The following MCTP1 variants were observed in gnomAD, a reference collection of about 807,000 sequenced individuals.
The protein encoded by MCTP1 is multiple C2 and transmembrane domain-containing protein 1.
In MCTP1, 69 loss-of-function variants were observed where a neutral mutation model predicts 120.6. The observed-to-expected ratio is 0.57, with a 90% CI of 0.47 to 0.70. The LOEUF (loss-of-function observed/expected upper bound fraction) is 0.70, where lower values mean the gene tolerates loss of function less well. MCTP1 is among the 30% of genes least tolerant of loss of function. MCTP1 has a pLI of 0.00. For missense variants in MCTP1, 1,203 were observed against 1,248.8 expected (o/e 0.96, Z 0.55); for synonymous variants, 529 against 493.1 (o/e 1.07, Z -0.96).
intron 1 of MCTP1, among the ~76,000 whole-genome samples, chr5:95,021,423 A>G (rs1279400688): frequency 6.6e-6 from 1 of 152,076 alleles, no homozygotes; most frequent in East Asian, 1.9e-4. Context: ...ATAATTTATA[A>G]TTTCATGATA....
At chr5:95,282,521 C>A (rs1283488478) in intron 1 of MCTP1, among the ~76,000 whole-genome samples, 2 of 152,130 alleles carry the variant, frequency 1.3e-5, no homozygotes. Context: ...TTCATCTATA[C>A]TGAATTTAAA....
intron 17 of MCTP1, among the ~76,000 whole-genome samples, chr5:94,816,722 T>A (rs1784544108): frequency 6.6e-6 from 1 of 152,126 alleles, no homozygotes; most frequent in African/African-American, 2.4e-5. Flanking sequence ...CAATCATTTT[T>A]AATCTCTACT....
chr5:94,941,544 C>G (rs926008056), intron 4 of MCTP1, among the ~76,000 whole-genome samples: 3 of 151,970 alleles, frequency 2.0e-5, no homozygotes, highest in Non-Finnish European at 4.4e-5. Flanking sequence ...ACTCTGCTTT[C>G]CTGTTTTCCA....
chr5:95,262,475 A>G (rs1360417053), intron 1 of MCTP1, among the ~76,000 whole-genome samples: 1 of 152,352 alleles, frequency 6.6e-6, no homozygotes, highest in Non-Finnish European at 1.5e-5. Flanking sequence ...AGACATAAAA[A>G]TAATATAAAA....
chr5:94,716,117 G>GA (rs1405943799), intron 19 of MCTP1, among the ~76,000 whole-genome samples: 2 of 152,188 alleles, frequency 1.3e-5, no homozygotes, highest in Non-Finnish European at 2.9e-5. Flanking sequence ...GGTACACTGG[G>GA]ACCAAGGACA....
chr5:94,983,665 GTCAA>G (rs1561969016), intron 2 of MCTP1, among the ~76,000 whole-genome samples: 4 of 17,286 alleles, frequency 2.3e-4, no homozygotes, highest in East Asian at 1.8e-3. Context: ...CTGTCTGTCT[GTCAA>G]TCTATCTATC....
intron 12 of MCTP1, among the ~76,000 whole-genome samples, 198 bp from the exon 13 acceptor site, chr5:94,873,439 C>T (rs1190084170): frequency 6.6e-6 from 1 of 151,926 alleles, no homozygotes; most frequent in Non-Finnish European, 1.5e-5. Context: ...TGTTATGATT[C>T]ATAGCAATTT....
At chr5:95,136,185 A>G (rs1759432873) in intron 1 of MCTP1, among the ~76,000 whole-genome samples, 1 of 152,042 alleles carries the variant, frequency 6.6e-6, no homozygotes. Context: ...AACCTTATCC[A>G]CTGGTCTTAT....
chr5:95,248,714 C>T (rs898676612), intron 1 of MCTP1, among the ~76,000 whole-genome samples: 1 of 152,172 alleles, frequency 6.6e-6, no homozygotes, highest in South Asian at 2.1e-4. Flanking sequence ...ATAACCAAGA[C>T]AATCCTAAGC....
intron 1 of MCTP1, among the ~76,000 whole-genome samples, chr5:95,209,817 A>T (rs1366079564): frequency 6.6e-6 from 1 of 152,166 alleles, no homozygotes; most frequent in Non-Finnish European, 1.5e-5. Flanking sequence ...TTAGTGCTAT[A>T]AATTTCCCTC....
intron 1 of MCTP1, among the ~76,000 whole-genome samples, chr5:95,036,727 A>G (rs1424983480): frequency 1.3e-5 from 2 of 152,276 alleles, no homozygotes; most frequent in Non-Finnish European, 2.9e-5. Context: ...AAGAATGTGA[A>G]AAATATCTAG....
At chr5:95,232,356 A>C (rs1184521799) in intron 1 of MCTP1, among the ~76,000 whole-genome samples, 1 of 152,068 alleles carries the variant, frequency 6.6e-6, no homozygotes, top group Non-Finnish European at 1.5e-5. Flanking sequence ...AATAATATTA[A>C]ATATAAATGG....
intron 19 of MCTP1, among the ~76,000 whole-genome samples, chr5:94,724,688 T>G (rs1761730006): frequency 6.6e-6 from 1 of 152,138 alleles, no homozygotes; most frequent in Non-Finnish European, 1.5e-5. Context: ...CATGGGAGGT[T>G]CTGGAATAGA....
At chr5:95,172,902 A>G (rs1292631043) in intron 1 of MCTP1, among the ~76,000 whole-genome samples, 3 of 152,170 alleles carry the variant, frequency 2.0e-5, no homozygotes, top group African/African-American at 4.8e-5. Context: ...GAGCTTAACA[A>G]TAAGTATATG....
rs566168879 is a variant in MCTP1 at position 95,283,074 on chromosome 5, C to T, written c.720+782G>A. 1.4e-4 allele frequency among the ~76,000 whole-genome samples: 21 copies of T among 152,326 alleles called. 1 individual carries two copies. The highest frequency in any genetic ancestry group is 3.4e-3 in the Middle Eastern group (1 of 294). On this transcript the variant is annotated intron_variant, in intron 1 of 22. Transcript: ENST00000515393. ...AACATTTACAAAAAGAGCAGTGCCT[C>T]TTCGAAATTGAGGGAGTAAAAACGG...
At position 94,904,779 on chromosome 5, in the gene MCTP1, C is replaced by T. The variant is rs26996; in HGVS notation, c.1652+4472G>A. On this transcript the variant is annotated intron_variant, in intron 10 of 22. Coordinates refer to ENST00000515393, the MANE Select transcript of MCTP1 (RefSeq NM_024717.7). ...TTGTCTGACAAAGAGCCATAATTTC[C>T]AGTGTTAAATCAAGCTTCAGGGATT... is the stretch of plus-strand genomic sequence containing the variant. Among the ~76,000 whole-genome samples the T allele has an allele frequency of 4.2e-3, 636 of 152,192 alleles. 10 individuals carry two copies. The East Asian group carries it at 0.053, about 13-fold the overall frequency.
At position 95,072,081 on chromosome 5, in the gene MCTP1, CTG is replaced by C. The variant is rs56135843; in HGVS notation, c.721-54599_721-54598del. Among the ~76,000 whole-genome samples the C allele has an allele frequency of 1.1e-3, 161 of 143,850 alleles. 1 individual carries two copies. Among genetic ancestry groups the C allele is most frequent in the African/African-American group, 3.5e-3 (134 of 38,760 alleles). The allele number at this position is 143,850 out of a possible 152,430, so 94.4% of individuals were successfully genotyped here. On this transcript the variant is annotated intron_variant, in intron 1 of 22. Transcript: ENST00000515393. Reference sequence around the variant, plus strand: ...CTAATATGAAACAATGCCAATTTTCCTGTGTGTGTGTGTGTGTGTGTGTGTGT... The same window carrying C: ...CTAATATGAAACAATGCCAATTTTCCTGTGTGTGTGTGTGTGTGTGTGTGT...
chr5:94,762,519 T>C (rs574997975), intron 19 of MCTP1, among the ~76,000 whole-genome samples: 1 of 152,306 alleles, frequency 6.6e-6, no homozygotes, highest in East Asian at 1.9e-4. Context: ...GTGGCCATCA[T>C]TTTTCCAAAT....
At position 95,251,268 on chromosome 5, in the gene MCTP1, G is replaced by A. The variant is rs183157040; in HGVS notation, c.720+32588C>T. Reference sequence around the variant, plus strand: ...TTTGCAAGCAGAAGGGAAAGCAAGCGCAAAGACCCTGAAGTGAGAACAAGC... The same window carrying A: ...TTTGCAAGCAGAAGGGAAAGCAAGCACAAAGACCCTGAAGTGAGAACAAGC... On this transcript the variant is annotated intron_variant, in intron 1 of 22. Coordinates refer to ENST00000515393, the MANE Select transcript of MCTP1 (RefSeq NM_024717.7). 1.2e-3 allele frequency among the ~76,000 whole-genome samples: 186 copies of A among 152,096 alleles called. 1 individual carries two copies. Among genetic ancestry groups the A allele is most frequent in the Non-Finnish European group, 2.4e-3 (163 of 68,000 alleles).
Sources: allele counts gnomAD v4.1 joint callset (sites outside exome capture counted in the v4.1 genomes callset), GRCh38; gene constraint gnomAD v4.1.1; transcripts MANE v1.5; gene names NCBI Gene and HGNC (gene_info 2026-07-23, HGNC 2026-07-21).